Variants in MDGA2 observed in about 807,000 individuals in gnomAD.
MDGA2 encodes MAM domain-containing glycosylphosphatidylinositol anchor protein 2.
MDGA2 carries 40 observed loss-of-function variants against 117.8 expected under a neutral mutation model. The observed-to-expected ratio is 0.34, with a 90% CI of 0.26 to 0.44. The LOEUF (loss-of-function observed/expected upper bound fraction) is 0.44, where lower values mean the gene tolerates loss of function less well. Ranked by LOEUF, MDGA2 falls within the 20% of genes least tolerant of loss-of-function variation. The probability of loss-of-function intolerance (pLI) is 1.00; values close to 1 mark genes in which losing one functional copy is unlikely to be tolerated. For missense variants in MDGA2, 1,123 were observed against 1,250.6 expected, an observed-to-expected ratio of 0.90 and a Z score of 1.54; for synonymous variants, 452 against 439.0, an observed-to-expected ratio of 1.03 and a Z score of -0.37.
chr14:47,001,888 T>C lies in MDGA2; in HGVS notation c.1819+33123A>G, dbSNP rs192706554. On this transcript the variant is annotated intron_variant, in intron 8 of 16. Transcript: ENST00000399232. ...TAGACATTTTCACAGCAATAATCAA[T>C]GGAGTGGGGAGGGAGAGGGAGAGCA... is the stretch of plus-strand genomic sequence containing the variant. 6.4e-3 allele frequency among the ~76,000 whole-genome samples: 979 copies of C among 152,056 alleles called. 9 individuals carry two copies. Among genetic ancestry groups the C allele is most frequent in the Non-Finnish European group, 9.1e-3 (621 of 67,968 alleles).
At chr14:47,137,336 A>G (rs903509206) in intron 4 of MDGA2, among the ~76,000 whole-genome samples, 4 of 152,136 alleles carry the variant, frequency 2.6e-5, no homozygotes, top group African/African-American at 9.6e-5. Context: ...TTTGTCCCTA[A>G]TCTTCATGTT....
chr14:47,291,220 T>C (rs1029694573), intron 2 of MDGA2, among the ~76,000 whole-genome samples: 2 of 152,184 alleles, frequency 1.3e-5, no homozygotes, highest in African/African-American at 4.8e-5. Context: ...AATTAACTGA[T>C]AAAATGACTT....
intron 1 of MDGA2, among the ~76,000 whole-genome samples, chr14:47,441,960 T>C (rs372323389): frequency 3.3e-5 from 5 of 152,110 alleles, no homozygotes; most frequent in African/African-American, 9.7e-5. Flanking sequence ...AGAAAATAGA[T>C]AACCCAGTCA....
Position 46,849,592 on chromosome 14 carries a change from G to A in MDGA2, c.2884-3721C>T, listed in dbSNP as rs141220903. Among the ~76,000 whole-genome samples, 78 of 151,910 alleles carry A rather than the reference G, an allele frequency of 5.1e-4. 1 individual carries two copies. The East Asian group carries it at 0.015, about 29-fold the overall frequency. On this transcript the variant is annotated intron_variant, in intron 15 of 16. Coordinates refer to ENST00000399232, the MANE Select transcript of MDGA2 (RefSeq NM_001113498.3). ...TAATGTGCCTTAGCCAAACTTTTAA[G>A]CATTTGTAAAAATAAATCTTTGCTG... is the stretch of plus-strand genomic sequence containing the variant.
intron 14 of MDGA2, among the ~76,000 whole-genome samples, chr14:46,870,360 G>A (rs1356009224): frequency 6.6e-6 from 1 of 151,936 alleles, no homozygotes; most frequent in Admixed American, 6.6e-5. Flanking sequence ...TTTGAATCTG[G>A]ATTTCCAAAA....
At chr14:47,280,736 T>C (rs1287183628) in intron 2 of MDGA2, among the ~76,000 whole-genome samples, 1 of 152,054 alleles carries the variant, frequency 6.6e-6, no homozygotes, top group Non-Finnish European at 1.5e-5. Context: ...TAAGGCCATA[T>C]ATACTTATCA....
At chr14:47,537,706 A>G (rs1421011754) in intron 1 of MDGA2, among the ~76,000 whole-genome samples, 1 of 151,542 alleles carries the variant, frequency 6.6e-6, no homozygotes, top group East Asian at 1.9e-4. Context: ...GACTAAACCA[A>G]CCTTTGTTTA....
intron 3 of MDGA2, among the ~76,000 whole-genome samples, chr14:47,181,828 A>G (rs780617596): frequency 2.0e-5 from 3 of 152,206 alleles, no homozygotes; most frequent in Non-Finnish European, 4.4e-5. Flanking sequence ...GTGTGGGTGA[A>G]ATAAAAATTA....
At chr14:47,668,594 G>T (rs914479577) in intron 1 of MDGA2, among the ~76,000 whole-genome samples, 1 of 152,180 alleles carries the variant, frequency 6.6e-6, no homozygotes, top group Non-Finnish European at 1.5e-5. Context: ...ATATTTTATT[G>T]TTTGCTCTAA....
intron 1 of MDGA2, among the ~76,000 whole-genome samples, chr14:47,456,388 G>C (rs1274647817): frequency 6.6e-6 from 1 of 151,298 alleles, no homozygotes; most frequent in Non-Finnish European, 1.5e-5. Context: ...TGCCTCCTGG[G>C]TTCAAGTGAT....
intron 1 of MDGA2, among the ~76,000 whole-genome samples, chr14:47,539,323 C>A (rs1174343885): frequency 6.6e-6 from 1 of 152,200 alleles, no homozygotes; most frequent in Non-Finnish European, 1.5e-5. Flanking sequence ...CCAAATCACA[C>A]CAGAACCAGG....
At chr14:47,301,591 G>A (rs1173201759) in intron 1 of MDGA2, 41 bp from the exon 2 acceptor site, 1 of 1,548,844 alleles carries the variant, frequency 6.5e-7, no homozygotes, top group East Asian at 2.4e-5. Context: ...ACATGAAAAG[G>A]TAAGTCAGTG....
chr14:47,332,006 A>T (rs1890306869), intron 1 of MDGA2, among the ~76,000 whole-genome samples: 1 of 152,062 alleles, frequency 6.6e-6, no homozygotes, highest in Non-Finnish European at 1.5e-5. Context: ...AGGAAATTAT[A>T]TCCAGTTATT....
chr14:47,374,004 T>C (rs1416862018), intron 1 of MDGA2, among the ~76,000 whole-genome samples: 3 of 152,158 alleles, frequency 2.0e-5, no homozygotes, highest in African/African-American at 7.2e-5. Context: ...GAATTCCCAC[T>C]TAAAATGTCA....
intron 1 of MDGA2, among the ~76,000 whole-genome samples, chr14:47,414,153 G>T (rs1410991525): frequency 6.6e-6 from 1 of 152,150 alleles, no homozygotes. Context: ...CTGTGAAATT[G>T]AGTTATAGCC....
chr14:47,480,361 G>A (rs1406446052), intron 1 of MDGA2, among the ~76,000 whole-genome samples: 1 of 151,944 alleles, frequency 6.6e-6, no homozygotes, highest in Non-Finnish European at 1.5e-5. Flanking sequence ...ATTGTTCCTA[G>A]CATGTCTTCT....
chr14:47,573,729 T>A (rs1896063208), intron 1 of MDGA2, among the ~76,000 whole-genome samples: 1 of 152,158 alleles, frequency 6.6e-6, no homozygotes, highest in Non-Finnish European at 1.5e-5. Context: ...CTGCTCTTAA[T>A]AAGCAGGAGA....
chr14:46,882,150 T>C lies in MDGA2; in HGVS notation c.2310A>G (p.Thr770=). The change falls in exon 11 of 17, where the codon ACA becomes ACG. Residue 770 remains threonine (T), a synonymous_variant. Transcript: ENST00000399232. The part of the protein sequence containing the change: ...NGNIQKGELI[T]YNLTELIKPE... ...GTTTAATTAGCTCTGTCAAGTTATA[T>C]GTAATTAATTCTCCCTTTTGAATAT... 1.2e-6 allele frequency: 2 copies of C among 1,612,694 alleles called. No individual in the cohort carries two copies. The highest frequency in any genetic ancestry group is 1.7e-6 in the Non-Finnish European group (2 of 1,179,072).
intron 3 of MDGA2, among the ~76,000 whole-genome samples, chr14:47,192,507 T>G (rs1429875289): frequency 6.6e-6 from 1 of 151,820 alleles, no homozygotes; most frequent in South Asian, 2.1e-4. Flanking sequence ...CCCAGCTACT[T>G]GGGAGGCTGA....
Sources: allele counts gnomAD v4.1 joint callset (sites outside exome capture counted in the v4.1 genomes callset), GRCh38; gene constraint gnomAD v4.1.1; transcripts MANE v1.5; gene names NCBI Gene and HGNC (gene_info 2026-07-23, HGNC 2026-07-21).